Variants in RYR2 observed in about 807,000 individuals in gnomAD.
RYR2 encodes the protein cardiac muscle ryanodine receptor-calcium release channel.
Under a neutral mutation model 601.1 loss-of-function variants are expected in RYR2, and 227 were observed. The observed-to-expected ratio is 0.38, with a 90% CI of 0.34 to 0.42. The LOEUF (loss-of-function observed/expected upper bound fraction) is 0.42, where lower values mean the gene tolerates loss of function less well. RYR2 is among the 10% of genes least tolerant of loss of function. The probability of loss-of-function intolerance (pLI) is 1.00; values close to 1 mark genes in which losing one functional copy is unlikely to be tolerated. For synonymous variants in RYR2, 2,223 were observed against 2,175.1 expected, an observed-to-expected ratio of 1.02 and a Z score of -0.61; for missense variants, 4,646 against 6,156.5, an observed-to-expected ratio of 0.75 and a Z score of 8.21.
intron 21 of RYR2, among the ~76,000 whole-genome samples, chr1:237,502,159 C>T (rs1052187141): frequency 1.3e-5 from 2 of 151,816 alleles, no homozygotes; most frequent in Non-Finnish European, 2.9e-5. Flanking sequence ...CCTTGACACA[C>T]ACAAAAAAAG....
intron 1 of RYR2, among the ~76,000 whole-genome samples, chr1:237,175,785 C>G (rs1677967308): frequency 6.6e-6 from 1 of 152,122 alleles, no homozygotes; most frequent in African/African-American, 2.4e-5. Flanking sequence ...TCCTATATTC[C>G]TCATTTCCAG....
At chr1:237,685,712 A>G (rs1382194251) in intron 62 of RYR2, among the ~76,000 whole-genome samples, 2 of 152,228 alleles carry the variant, frequency 1.3e-5, no homozygotes, top group African/African-American at 4.8e-5. Flanking sequence ...CTCAGTAGAT[A>G]AGGGCACGTG....
At chr1:237,410,278 C>T (rs139408144) in intron 10 of RYR2, among the ~76,000 whole-genome samples, 1,639 of 152,146 alleles carry the variant, frequency 0.011, 15 homozygotes, top group Non-Finnish European at 0.017. Flanking sequence ...TGCTCTGAAG[C>T]GCTGTGAATT....
At position 237,594,886 on chromosome 1, in the gene RYR2, GTT is replaced by G. The variant is rs776702428; in HGVS notation, c.4437-568_4437-567del. 2.0e-3 allele frequency among the ~76,000 whole-genome samples: 122 copies of G among 60,418 alleles called. 6 individuals carry two copies. Among genetic ancestry groups the G allele is most frequent in the African/African-American group, 0.011 (111 of 10,488 alleles). The allele number at this position is 60,418 out of a possible 152,430, so 39.6% of individuals were successfully genotyped here. On this transcript the variant is annotated intron_variant, in intron 33 of 104. Coordinates refer to ENST00000366574, the MANE Select transcript of RYR2 (RefSeq NM_001035.3). ...TGGCATTTGTGGTTAATATCACTGGGTTTTTTTTTTTTTTTTTTTTTTTTTTT... is the reference window on the plus strand; with the variant it reads ...TGGCATTTGTGGTTAATATCACTGGGTTTTTTTTTTTTTTTTTTTTTTTTT...
Position 237,610,722 on chromosome 1 carries a change from T to A in RYR2, c.4684-40T>A, listed in dbSNP as rs1256052110. The A allele has an allele frequency of 6.7e-7, 1 of 1,488,888 alleles. No homozygotes were observed. The highest frequency in any genetic ancestry group is 9.1e-7 in the Non-Finnish European group (1 of 1,093,188). The allele number at this position is 1,488,888 out of a possible 1,614,324, so 92.2% of individuals were successfully genotyped here. ...TCATTACTTTGTGAACCCCAAGGGA[T>A]GTTCTACATTTATTCTTTTTCTGCC... On this transcript the variant is annotated intron_variant, in intron 35 of 104. Coordinates refer to ENST00000366574, the MANE Select transcript of RYR2 (RefSeq NM_001035.3). The surrounding 1 kb of genome is among the most constrained non-coding windows in gnomAD (Gnocchi z 4.9).
chr1:237,781,127 C>T (rs1425326230), intron 88 of RYR2, among the ~76,000 whole-genome samples: 1 of 152,112 alleles, frequency 6.6e-6, no homozygotes, highest in Non-Finnish European at 1.5e-5. Context: ...CTGCTCACTG[C>T]AACCTCCGCC....
intron 1 of RYR2, among the ~76,000 whole-genome samples, chr1:237,147,081 C>T (rs983290844): frequency 6.6e-6 from 1 of 152,086 alleles, no homozygotes; most frequent in African/African-American, 2.4e-5. Flanking sequence ...CAATAGATAT[C>T]TCATTATCTA....
At chr1:237,334,440 A>T (rs936859342) in intron 3 of RYR2, among the ~76,000 whole-genome samples, 1 of 146,050 alleles carries the variant, frequency 6.8e-6, no homozygotes, top group African/African-American at 2.5e-5. Flanking sequence ...GTTTAATTAA[A>T]ATATATATAT....
chr1:237,793,396 A>G (rs1048359788), intron 94 of RYR2, among the ~76,000 whole-genome samples: 1 of 152,220 alleles, frequency 6.6e-6, no homozygotes, highest in Non-Finnish European at 1.5e-5. Context: ...GCTGATGTCG[A>G]AATTAAAATT....
intron 16 of RYR2, among the ~76,000 whole-genome samples, chr1:237,459,700 C>A (rs1659249764): frequency 6.6e-6 from 1 of 152,088 alleles, no homozygotes. Context: ...GCCAATCCTC[C>A]CTTTACCTCC....
At chr1:237,112,994 G>A (rs1669668390) in intron 1 of RYR2, among the ~76,000 whole-genome samples, 1 of 151,948 alleles carries the variant, frequency 6.6e-6, no homozygotes, top group South Asian at 2.1e-4. Context: ...CGGGGACTCT[G>A]TTCACATGTA....
At chr1:237,759,091 T>TTTTTGTTTTG (rs926335501) in intron 82 of RYR2, among the ~76,000 whole-genome samples, 1 of 151,986 alleles carries the variant, frequency 6.6e-6, no homozygotes, top group Non-Finnish European at 1.5e-5. Context: ...TGTTCGGGGT[T>TTTTTGTTTTG]TTTTGTTTTG....
At chr1:237,752,735 TTAAATC>T (rs1166630227) in intron 80 of RYR2, among the ~76,000 whole-genome samples, 1 of 152,218 alleles carries the variant, frequency 6.6e-6, no homozygotes, top group African/African-American at 2.4e-5. Flanking sequence ...TGTTATCCAA[TTAAATC>T]TTCTATTTTT....
At chr1:237,163,575 C>T in intron 1 of RYR2, among the ~76,000 whole-genome samples, 1 of 152,138 alleles carries the variant, frequency 6.6e-6, no homozygotes, top group Non-Finnish European at 1.5e-5. Context: ...AGGACTATTC[C>T]TTTGACCTCT....
chr1:237,715,820 T>C (rs1689223531), intron 71 of RYR2, among the ~76,000 whole-genome samples: 2 of 152,302 alleles, frequency 1.3e-5, no homozygotes, highest in Admixed American at 1.3e-4. Context: ...TCAATTTGCT[T>C]AATTTTTAGG....
chr1:237,736,218 TG>T (rs376121968), intron 79 of RYR2, among the ~76,000 whole-genome samples: 5 of 152,174 alleles, frequency 3.3e-5, no homozygotes, highest in African/African-American at 1.2e-4. Context: ...CTCAGCACTT[TG>T]GGAGGCCGAG....
intron 97 of RYR2, among the ~76,000 whole-genome samples, chr1:237,800,372 C>T (rs778420086): frequency 1.3e-5 from 2 of 151,196 alleles, no homozygotes; most frequent in Non-Finnish European, 2.9e-5. Context: ...TTTAAAGGCT[C>T]CTGTGATAAT....
chr1:237,383,268 T>G (rs915611652), intron 8 of RYR2, among the ~76,000 whole-genome samples: 2 of 152,028 alleles, frequency 1.3e-5, no homozygotes, highest in African/African-American at 4.8e-5. Context: ...TCCTGGAAGG[T>G]GATTTATCGT....
At chr1:237,126,485 C>G (rs1359722079) in intron 1 of RYR2, among the ~76,000 whole-genome samples, 1 of 152,150 alleles carries the variant, frequency 6.6e-6, no homozygotes, top group Non-Finnish European at 1.5e-5. Flanking sequence ...TTTTATCTCC[C>G]TCCCTCCTAC....
Sources: gnomAD v4.1 joint callset for allele counts (sites outside exome capture counted in the v4.1 genomes callset) on GRCh38, gnomAD v4.1.1 for gene constraint, Gnocchi (gnomAD v3.1) non-coding constraint, MANE v1.5 for transcripts, NCBI Gene and HGNC (gene_info 2026-07-23, HGNC 2026-07-21) for gene names.